Variants in ATP6V0D1 observed in about 807,000 individuals in gnomAD.
ATP6V0D1 encodes V-type proton ATPase subunit d 1.
In ATP6V0D1, 13 loss-of-function variants were observed where a neutral mutation model predicts 39.0. The observed-to-expected ratio is 0.33, with a 90% CI of 0.22 to 0.53. ATP6V0D1 has a LOEUF of 0.53. Among genes scored for constraint, ATP6V0D1 ranks in the 20% least tolerant of loss-of-function variants. The probability of loss-of-function intolerance (pLI) is 0.94; values close to 1 mark genes in which losing one functional copy is unlikely to be tolerated. For synonymous variants in ATP6V0D1, 191 were observed against 191.2 expected (o/e 1.00, Z 0.01); for missense variants, 272 against 470.9 (o/e 0.58, Z 3.91).
chr16:67,476,385 A>G (rs758180237), intron 1 of ATP6V0D1, among the ~76,000 whole-genome samples: 1 of 152,218 alleles, frequency 6.6e-6, no homozygotes, highest in African/African-American at 2.4e-5. Flanking sequence ...TACATTAAAA[A>G]CCATTAGTGT....
intron 1 of ATP6V0D1, among the ~76,000 whole-genome samples, chr16:67,476,600 C>G (rs2041416400): frequency 6.6e-6 from 1 of 152,172 alleles, no homozygotes; most frequent in African/African-American, 2.4e-5. Context: ...TAGAAGTAGT[C>G]AAGCTGGCAA....
chr16:67,449,647 T>G (rs544634870), intron 2 of ATP6V0D1, among the ~76,000 whole-genome samples: 20 of 152,362 alleles, frequency 1.3e-4, no homozygotes, highest in African/African-American at 4.6e-4. Context: ...CTCCAGTGGC[T>G]TCTCTATCCC....
chr16:67,461,774 C>A (rs759050372), intron 1 of ATP6V0D1, among the ~76,000 whole-genome samples: 2 of 152,172 alleles, frequency 1.3e-5, no homozygotes, highest in Admixed American at 6.5e-5. Flanking sequence ...CAGGGGCCAG[C>A]GGCACCGACC....
chr16:67,473,907 G>T (rs560908322), intron 1 of ATP6V0D1, among the ~76,000 whole-genome samples: 2 of 152,030 alleles, frequency 1.3e-5, no homozygotes, highest in African/African-American at 2.4e-5. Flanking sequence ...CCCCCGACTC[G>T]GCCTTCTAAA....
intron 1 of ATP6V0D1, among the ~76,000 whole-genome samples, chr16:67,461,080 A>C (rs552070839): frequency 6.6e-6 from 1 of 152,350 alleles, no homozygotes; most frequent in East Asian, 1.9e-4. Flanking sequence ...AGCATACCAC[A>C]GTCCATTTCT....
In ATP6V0D1 at chr16:67,453,208, G is replaced by GC. The variant is rs1366039306; in HGVS notation, c.302+335dup. 6.6e-6 allele frequency among the ~76,000 whole-genome samples: 1 copy of GC among 152,004 alleles called. No homozygotes were observed. ...GGCTCCCACCTTCCCAGGTTTCCCT[G>GC]CCCCAGTCTATGTGACTGGGGGAAG... On this transcript the variant is annotated intron_variant, in intron 2 of 7. Transcript: ENST00000290949. This position sits in a 1 kb window ranked among gnomAD's most constrained non-coding sequence, Gnocchi z 4.1.
At chr16:67,468,335 C>T (rs2041346408) in intron 1 of ATP6V0D1, among the ~76,000 whole-genome samples, 2 of 152,004 alleles carry the variant, frequency 1.3e-5, no homozygotes, top group African/African-American at 4.8e-5. Context: ...TGCATGTAAT[C>T]CCAGTACTTT....
chr16:67,459,144 C>A (rs1300647364), intron 1 of ATP6V0D1: 2 of 985,390 alleles, frequency 2.0e-6, no homozygotes, highest in African/African-American at 1.7e-5. Flanking sequence ...GCCAGAGTGA[C>A]CTTCCTGTGA....
chr16:67,451,475 A>G (rs2041179955), intron 2 of ATP6V0D1, among the ~76,000 whole-genome samples: 1 of 152,166 alleles, frequency 6.6e-6, no homozygotes, highest in Non-Finnish European at 1.5e-5. Context: ...CTGTGGGTAG[A>G]GAGGTGCCTG....
intron 1 of ATP6V0D1, among the ~76,000 whole-genome samples, chr16:67,462,662 C>CA (rs916268804): frequency 8.1e-4 from 123 of 152,110 alleles, no homozygotes; most frequent in African/African-American, 2.8e-3. Flanking sequence ...CTAGTCTCCA[C>CA]AAAAAATAAA....
intron 1 of ATP6V0D1, among the ~76,000 whole-genome samples, chr16:67,473,469 C>T (rs2041391215): frequency 1.3e-5 from 2 of 152,166 alleles, no homozygotes; most frequent in South Asian, 4.1e-4. Context: ...CTGCCTCAGC[C>T]TCCCAGGTAG....
chr16:67,461,780 C>T (rs764526414), intron 1 of ATP6V0D1, among the ~76,000 whole-genome samples: 13 of 152,110 alleles, frequency 8.5e-5, no homozygotes, highest in Admixed American at 2.0e-4. Flanking sequence ...CCAGCGGCAC[C>T]GACCATCAGC....
At chr16:67,473,226 G>A (rs530424330) in intron 1 of ATP6V0D1, among the ~76,000 whole-genome samples, 2 of 152,084 alleles carry the variant, frequency 1.3e-5, no homozygotes, top group South Asian at 4.1e-4. Context: ...GGGCTGGGGG[G>A]GGTGGCGCAG....
intron 1 of ATP6V0D1, chr16:67,455,635 GCCA>G (rs2041230274): frequency 6.6e-6 from 1 of 152,236 alleles, no homozygotes; most frequent in Non-Finnish European, 1.5e-5. Flanking sequence ...GCAGGCAGAA[GCCA>G]CCAGCCCCTG....
intron 1 of ATP6V0D1, among the ~76,000 whole-genome samples, chr16:67,464,859 G>A (rs1400950759): frequency 9.2e-5 from 14 of 152,368 alleles, no homozygotes; most frequent in African/African-American, 2.9e-4. Flanking sequence ...GCACCAGTCA[G>A]GGCTGCTCCT....
intron 1 of ATP6V0D1, among the ~76,000 whole-genome samples, chr16:67,478,562 G>C (rs993170937): frequency 6.6e-6 from 1 of 150,826 alleles, no homozygotes; most frequent in African/African-American, 2.4e-5. Flanking sequence ...TGCAGTGAGC[G>C]GAGATCGCGC....
At chr16:67,461,104 A>T (rs938897789) in intron 1 of ATP6V0D1, among the ~76,000 whole-genome samples, 1 of 152,180 alleles carries the variant, frequency 6.6e-6, no homozygotes, top group Admixed American at 6.5e-5. Context: ...GGCAGACACC[A>T]TGAGCCCAGC....
At chr16:67,462,979 A>G (rs565848528) in intron 1 of ATP6V0D1, among the ~76,000 whole-genome samples, 113 of 152,240 alleles carry the variant, frequency 7.4e-4, no homozygotes, top group African/African-American at 2.7e-3. Flanking sequence ...GTTGGGGCTC[A>G]CTCAGTTGGA....
In ATP6V0D1 at chr16:67,447,926, C is replaced by T. The variant is rs2041136072; in HGVS notation, c.303-3220G>A. Reference sequence around the variant, plus strand: ...TCCAGTGAGCTGCTAATGACAGTATCTGTATTCAATCACTTCTGGGTCCTG... The same window carrying T: ...TCCAGTGAGCTGCTAATGACAGTATTTGTATTCAATCACTTCTGGGTCCTG... On this transcript the variant is annotated intron_variant, in intron 2 of 7. Transcript: ENST00000290949. This position sits in a 1 kb window ranked among gnomAD's most constrained non-coding sequence, Gnocchi z 4.1. 6.6e-6 allele frequency among the ~76,000 whole-genome samples: 1 copy of T among 152,210 alleles called. No individual in the cohort carries two copies. The highest frequency in any genetic ancestry group is 2.4e-5 in the African/African-American group (1 of 41,460).
Sources: allele counts gnomAD v4.1 joint callset (sites outside exome capture counted in the v4.1 genomes callset), GRCh38; gene constraint gnomAD v4.1.1; non-coding constraint Gnocchi (gnomAD v3.1); transcripts MANE v1.5; gene names NCBI Gene and HGNC (gene_info 2026-07-23, HGNC 2026-07-21).